MBNL2: variants seen among roughly 807,000 people sequenced by gnomAD.
MBNL2 encodes the protein muscleblind-like protein 2.
A neutral mutation model predicts 41.9 loss-of-function variants in MBNL2; 17 were observed. The observed-to-expected ratio is 0.41, with a 90% CI of 0.28 to 0.61. The LOEUF is 0.61. Ranked by LOEUF, MBNL2 falls within the 20% of genes least tolerant of loss-of-function variation. The probability of loss-of-function intolerance (pLI) is 0.35; values close to 1 mark genes in which losing one functional copy is unlikely to be tolerated. For synonymous variants in MBNL2, 195 were observed against 182.9 expected (o/e 1.07, Z -0.53); for missense variants, 336 against 505.6 (o/e 0.66, Z 3.22).
the MBNL2 span, among the ~76,000 whole-genome samples, chr13:97,211,693 G>T: frequency 6.6e-6 from 1 of 152,082 alleles, no homozygotes; most frequent in Non-Finnish European, 1.5e-5. Context: ...CAAAATAATT[G>T]CCCATTTCTG....
the MBNL2 span, among the ~76,000 whole-genome samples, chr13:97,144,063 C>T: frequency 1.3e-5 from 2 of 152,150 alleles, no homozygotes; most frequent in South Asian, 2.1e-4. Context: ...AGGCCAGTCT[C>T]GAACTCCTGA....
the MBNL2 span, among the ~76,000 whole-genome samples, chr13:97,204,401 C>T: frequency 6.6e-6 from 1 of 152,142 alleles, no homozygotes; most frequent in Non-Finnish European, 1.5e-5. Context: ...AACAAAACAT[C>T]CATTTAAAAT....
intron 2 of MBNL2, among the ~76,000 whole-genome samples, chr13:97,293,508 A>G (rs1488099811): frequency 2.0e-5 from 3 of 152,210 alleles, no homozygotes; most frequent in African/African-American, 7.2e-5. Context: ...TTCTTAAGGT[A>G]CAAGGTTATA....
chr13:97,207,176 A>G, the MBNL2 span, among the ~76,000 whole-genome samples: 46 of 152,352 alleles, frequency 3.0e-4, no homozygotes, highest in Admixed American at 1.6e-3. Context: ...TATGATGGGC[A>G]CTAAAAACCA....
intron 1 of MBNL2, among the ~76,000 whole-genome samples, chr13:97,246,679 C>A (rs2152827589): frequency 1.3e-5 from 2 of 152,268 alleles, no homozygotes; most frequent in Admixed American, 1.3e-4. Context: ...CCACCCCACC[C>A]CGAAGAGGCA....
chr13:97,261,706 C>A (rs2048667758), intron 1 of MBNL2, among the ~76,000 whole-genome samples: 1 of 152,216 alleles, frequency 6.6e-6, no homozygotes, highest in African/African-American at 2.4e-5. Flanking sequence ...AAGGCCCCAG[C>A]ACCACTTTTG....
chr13:97,374,227 C>A lies in MBNL2; in HGVS notation c.1048+9056C>A, dbSNP rs376072802. On this transcript the variant is annotated intron_variant, in intron 8 of 8. Transcript: ENST00000679496. The stretch of plus-strand genomic sequence containing the variant: ...CAGTGGCGCGATCTCGGCTCACTGC[C>A]AGCTCCGCCTCCCGGGTTCACGCCA... Among the ~76,000 whole-genome samples, 584 of 151,430 alleles carry A rather than the reference C, an allele frequency of 3.9e-3. 18 individuals are homozygous for A. The East Asian group carries it at 0.085, about 22-fold the overall frequency.
At chr13:97,306,656 A>G (rs1285792625) in intron 2 of MBNL2, among the ~76,000 whole-genome samples, 2 of 152,242 alleles carry the variant, frequency 1.3e-5, no homozygotes, top group Non-Finnish European at 2.9e-5. Context: ...CACTTTCTCC[A>G]TCTAAGCAAG....
At chr13:97,265,506 G>C (rs2049562365) in intron 1 of MBNL2, among the ~76,000 whole-genome samples, 3 of 152,178 alleles carry the variant, frequency 2.0e-5, no homozygotes, top group Admixed American at 2.0e-4. Flanking sequence ...AGTCTATCAA[G>C]GGCGTGTCCA....
At chr13:97,151,989 C>G in the MBNL2 span, among the ~76,000 whole-genome samples, 1 of 152,094 alleles carries the variant, frequency 6.6e-6, no homozygotes, top group Admixed American at 6.6e-5. Flanking sequence ...AGCAGACAAC[C>G]AAGGATGACC....
chr13:97,344,231 C>T (rs1254798550), intron 4 of MBNL2, among the ~76,000 whole-genome samples: 2 of 152,230 alleles, frequency 1.3e-5, no homozygotes, highest in Non-Finnish European at 2.9e-5. Flanking sequence ...ACCTCCTGTA[C>T]TTTGTTGGGT....
At chr13:97,169,480 G>C in the MBNL2 span, among the ~76,000 whole-genome samples, 2 of 152,228 alleles carry the variant, frequency 1.3e-5, no homozygotes, top group African/African-American at 4.8e-5. Flanking sequence ...ACCAGAGGCA[G>C]ATTGGTTGGA....
chr13:97,215,512 G>T, the MBNL2 span, among the ~76,000 whole-genome samples: 2 of 152,198 alleles, frequency 1.3e-5, no homozygotes, highest in Non-Finnish European at 2.9e-5. Flanking sequence ...GATAAAACAA[G>T]TACCATGCAA....
chr13:97,243,888 A>C (rs183288398), intron 1 of MBNL2, among the ~76,000 whole-genome samples: 4 of 152,158 alleles, frequency 2.6e-5, no homozygotes, highest in Non-Finnish European at 5.9e-5. Context: ...GTTATCATTC[A>C]TCAGAAGTGG....
At chr13:97,226,783 C>CT (rs2041669894) in intron 1 of MBNL2, among the ~76,000 whole-genome samples, 1 of 152,006 alleles carries the variant, frequency 6.6e-6, no homozygotes, top group Non-Finnish European at 1.5e-5. Context: ...AAATATGAAG[C>CT]TACTGAGAGC....
At chr13:97,184,697 G>C in the MBNL2 span, among the ~76,000 whole-genome samples, 2 of 152,300 alleles carry the variant, frequency 1.3e-5, no homozygotes, top group South Asian at 2.1e-4. Context: ...TGGCCAGGCT[G>C]TTCTTGGGCT....
At chr13:97,191,024 T>C in the MBNL2 span, among the ~76,000 whole-genome samples, 4 of 152,142 alleles carry the variant, frequency 2.6e-5, no homozygotes, top group Admixed American at 2.6e-4. Context: ...AAAAATCATT[T>C]ACTTGGAAAT....
At chr13:97,357,132 TTTAG>T (rs768898273) in intron 6 of MBNL2, among the ~76,000 whole-genome samples, 12 of 152,220 alleles carry the variant, frequency 7.9e-5, no homozygotes, top group Admixed American at 6.5e-5. Context: ...GAAATTGCCA[TTTAG>T]TTAAAGAAAA....
intron 2 of MBNL2, among the ~76,000 whole-genome samples, chr13:97,312,971 G>T (rs1286975891): frequency 6.6e-6 from 1 of 152,202 alleles, no homozygotes; most frequent in Non-Finnish European, 1.5e-5. Context: ...AGCAGTATTT[G>T]GTGCTACATG....
Sources: allele counts gnomAD v4.1 joint callset (sites outside exome capture counted in the v4.1 genomes callset), GRCh38; gene constraint gnomAD v4.1.1; transcripts MANE v1.5; gene names NCBI Gene and HGNC (gene_info 2026-07-23, HGNC 2026-07-21).